Variants in SMARCD1 observed in about 807,000 individuals in gnomAD.
SMARCD1 encodes SWI/SNF related BAF chromatin remodeling complex subunit D1, also known as SWI/SNF-related matrix-associated actin-dependent regulator of chromatin subfamily D member 1.
A neutral mutation model predicts 70.8 loss-of-function variants in SMARCD1; 16 were observed. The observed-to-expected ratio is 0.23, with a 90% CI of 0.15 to 0.34. SMARCD1 has a LOEUF of 0.34. Ranked by LOEUF, SMARCD1 falls within the 10% of genes least tolerant of loss-of-function variation. The pLI is 1.00. For missense variants in SMARCD1, 409 were observed against 655.5 expected (o/e 0.62, Z 4.11); for synonymous variants, 249 against 246.0 (o/e 1.01, Z -0.11).
chr12:50,097,413 G>T (rs541585345), intron 11 of SMARCD1, among the ~76,000 whole-genome samples: 1 of 152,104 alleles, frequency 6.6e-6, no homozygotes, highest in East Asian at 1.9e-4. Flanking sequence ...TTAGCTGGGC[G>T]TGGTGGTGCG....
chr12:50,093,664 T>C (rs1282420849), intron 9 of SMARCD1, among the ~76,000 whole-genome samples: 1 of 151,830 alleles, frequency 6.6e-6, no homozygotes, highest in Non-Finnish European at 1.5e-5. Flanking sequence ...TTGAAATTTT[T>C]TGTAGAAACT....
chr12:50,088,696 C>T (rs749464411), intron 6 of SMARCD1, 59 bp downstream of exon 6: 8 of 957,124 alleles, frequency 8.4e-6, no homozygotes, highest in Admixed American at 2.1e-5. Context: ...ACTTGGGAGC[C>T]GTATTTTAAT....
At chr12:50,088,408 A>G in intron 5 of SMARCD1, 113 bp from the exon 6 acceptor site, 1 of 702,756 alleles carries the variant, frequency 1.4e-6, no homozygotes, top group Non-Finnish European at 2.6e-6. Context: ...GATATTCAGA[A>G]GATATTTTTT....
chr12:50,097,413 G>A (rs541585345), intron 11 of SMARCD1, among the ~76,000 whole-genome samples: 18 of 152,104 alleles, frequency 1.2e-4, no homozygotes, highest in South Asian at 6.2e-4. Flanking sequence ...TTAGCTGGGC[G>A]TGGTGGTGCG....
At chr12:50,088,271 C>T (rs1048654979) in intron 5 of SMARCD1, 1 of 702,598 alleles carries the variant, frequency 1.4e-6, no homozygotes, top group Non-Finnish European at 2.6e-6. Context: ...TGCCTCATTT[C>T]CCTTGGGCAA....
chr12:50,086,197 C>G lies in SMARCD1; in HGVS notation c.214C>G (p.Gln72Glu), dbSNP rs749452857. 1.3e-6 allele frequency: 2 copies of G among 1,599,050 alleles called. No individual in the cohort carries two copies. The highest frequency in any genetic ancestry group is 1.7e-6 in the Non-Finnish European group (2 of 1,171,564). Reference protein sequence around the residue: ...GMLPGSRMTPQGPSMGPPGYG... With the variant: ...GMLPGSRMTPEGPSMGPPGYG... The stretch of plus-strand genomic sequence containing the variant: ...GTTGCCAGGCAGCCGAATGACACCT[C>G]AGGGACCTTCCATGGGACCCCCTGG... The change falls in exon 2 of 13, where the codon CAG (glutamine) becomes GAG (glutamate). Residue 72 changes from glutamine to glutamate, a missense_variant. Coordinates refer to ENST00000394963, the MANE Select transcript of SMARCD1 (RefSeq NM_003076.5).
chr12:50,086,120 A>T (rs766773399), intron 1 of SMARCD1, 41 bp from the exon 2 acceptor site: 5 of 1,403,208 alleles, frequency 3.6e-6, no homozygotes, highest in Non-Finnish European at 4.7e-6. Context: ...GGGGTTTAGC[A>T]GGTGAAACCA....
chr12:50,090,046 C>T (rs1318106579), intron 7 of SMARCD1, 61 bp downstream of exon 7: 2 of 1,447,590 alleles, frequency 1.4e-6, no homozygotes, highest in African/African-American at 1.4e-5. Flanking sequence ...AGCAGTCTCA[C>T]TTTAAAGAGT....
chr12:50,093,313 C>T (rs1222188181), intron 9 of SMARCD1, among the ~76,000 whole-genome samples: 2 of 150,876 alleles, frequency 1.3e-5, no homozygotes, highest in Admixed American at 1.3e-4. Flanking sequence ...CTCAGCCTCC[C>T]AAGTAGTTGT....
chr12:50,085,524 C>T lies in SMARCD1; in HGVS notation c.155C>T (p.Pro52Leu). 2 of 1,235,130 alleles carry T rather than the reference C, an allele frequency of 1.6e-6. No homozygotes were observed. Among genetic ancestry groups the T allele is most frequent in the Non-Finnish European group, 1.0e-6 (1 of 989,260 alleles). The allele number at this position is 1,235,130 out of a possible 1,614,324, so 76.5% of individuals were successfully genotyped here. ...PAPGQGLYRS[P>L]MPGAAYPRPG... is the part of the protein sequence containing the mutation. ...CCGGGTCAAGGGCTGTACCGCTCCC[C>T]GATGCCCGGAGCGGCCTATCCGGTG... Residue 52 changes from proline to leucine, a missense_variant, in exon 1 of 13, where the codon CCG becomes CTG. This residue lies in a region of SMARCD1 where 140 missense variants were observed against 156.9 expected (regional missense o/e 0.89). Transcript: ENST00000394963.
At chr12:50,092,216 T>C (rs754306608) in intron 9 of SMARCD1, among the ~76,000 whole-genome samples, 16 of 149,250 alleles carry the variant, frequency 1.1e-4, no homozygotes, top group Non-Finnish European at 1.8e-4. Flanking sequence ...GGCTTTCTTT[T>C]CTTTTCTTTT....
At position 50,086,885 on chromosome 12, in the gene SMARCD1, C is replaced by CAG; in HGVS notation, c.531+8_531+9dup. On this transcript the variant is annotated splice_region_variant and intron_variant, in intron 4 of 12. Transcript: ENST00000394963. ...CTTGAAACGTCCCATCAAGGTAACA[C>CAG]AGGAAAGTACTAGGCAGAGAGCCAA... 1 of 1,613,946 alleles carries CAG rather than the reference C, an allele frequency of 6.2e-7. No individual in the cohort carries two copies. Among genetic ancestry groups the CAG allele is most frequent in the South Asian group, 1.1e-5 (1 of 91,068 alleles).
At chr12:50,098,141 G>T (rs541098393) in intron 11 of SMARCD1, among the ~76,000 whole-genome samples, 3 of 152,288 alleles carry the variant, frequency 2.0e-5, no homozygotes, top group South Asian at 4.1e-4. Context: ...GAGCAGAGGA[G>T]CAAGGAAAAA....
intron 10 of SMARCD1, among the ~76,000 whole-genome samples, chr12:50,095,320 A>G (rs904217418): frequency 2.0e-5 from 3 of 151,380 alleles, no homozygotes; most frequent in Non-Finnish European, 2.9e-5. Context: ...TGATGCCCCA[A>G]CTAAATCTTT....
intron 11 of SMARCD1, among the ~76,000 whole-genome samples, chr12:50,097,675 T>G (rs1950904695): frequency 2.0e-5 from 3 of 151,972 alleles, no homozygotes; most frequent in African/African-American, 7.3e-5. Context: ...GCAGATCACC[T>G]GAGGTCAGGA....
At chr12:50,088,316 C>A in intron 5 of SMARCD1, 1 of 700,014 alleles carries the variant, frequency 1.4e-6, no homozygotes, top group Non-Finnish European at 2.6e-6. Context: ...TCTATGTGTT[C>A]TAGGCTGCTT....
chr12:50,091,222 C>A (rs1346643199), intron 9 of SMARCD1, among the ~76,000 whole-genome samples: 1 of 151,604 alleles, frequency 6.6e-6, no homozygotes, highest in Non-Finnish European at 1.5e-5. Flanking sequence ...TTATGTGTTA[C>A]TGTGCATCTC....
chr12:50,091,358 C>G (rs1264857303), intron 9 of SMARCD1, among the ~76,000 whole-genome samples: 3 of 151,830 alleles, frequency 2.0e-5, no homozygotes, highest in African/African-American at 7.3e-5. Flanking sequence ...TCACCGTAAC[C>G]TCTGCCTACT....
rs773603078 is a variant in SMARCD1, at chr12:50,089,990, T to C, written c.873+5T>C. ...CTACTGATGCTGGATTACCAGGTATTCTGTGGTGGTGTGAGGGGGTCCAGC... is the reference window on the plus strand; with the variant it reads ...CTACTGATGCTGGATTACCAGGTATCCTGTGGTGGTGTGAGGGGGTCCAGC... On this transcript the variant is annotated splice_donor_5th_base_variant and intron_variant, in intron 7 of 12. Transcript: ENST00000394963. 17 of 1,609,788 alleles carry C rather than the reference T, an allele frequency of 1.1e-5. No homozygotes were observed. The African/African-American group carries it at 2.3e-4, about 21-fold the overall frequency.
Sources: gnomAD v4.1 joint callset for allele counts (sites outside exome capture counted in the v4.1 genomes callset) on GRCh38, gnomAD v4.1.1 for gene constraint, gnomAD v4.1.1 regional missense constraint, MANE v1.5 for transcripts, NCBI Gene and HGNC (gene_info 2026-07-23, HGNC 2026-07-21) for gene names.